The following NR6A1 variants were observed in gnomAD, a reference collection of about 807,000 sequenced individuals.
NR6A1 encodes retinoic acid receptor-related testis-associated receptor.
A neutral mutation model predicts 59.1 loss-of-function variants in NR6A1; 7 were observed. The observed-to-expected ratio is 0.12, with a 90% CI of 0.07 to 0.22. NR6A1 has a LOEUF of 0.22. NR6A1 is among the 10% of genes least tolerant of loss of function. NR6A1 has a pLI of 1.00. For missense variants in NR6A1, 468 were observed against 611.6 expected (o/e 0.77, Z 2.48); for synonymous variants, 243 against 236.1 (o/e 1.03, Z -0.27).
intron 7 of NR6A1, among the ~76,000 whole-genome samples, chr9:124,534,199 A>G (rs942408672): frequency 2.6e-5 from 4 of 151,822 alleles, no homozygotes; most frequent in African/African-American, 9.7e-5. Context: ...CAGCCTCCCA[A>G]GTACCTGGGA....
chr9:124,592,166 G>T (rs900932240), intron 2 of NR6A1, among the ~76,000 whole-genome samples: 3 of 152,152 alleles, frequency 2.0e-5, no homozygotes, highest in Non-Finnish European at 4.4e-5. Context: ...CGATGTTTGT[G>T]TGTGAAAATG....
At chr9:124,571,295 T>G (rs1447053568) in intron 2 of NR6A1, among the ~76,000 whole-genome samples, 2 of 152,172 alleles carry the variant, frequency 1.3e-5, no homozygotes, top group Non-Finnish European at 1.5e-5. Flanking sequence ...AGAGCCACAA[T>G]GAACACAAAC....
At chr9:124,717,481 C>T (rs2131086454) in intron 2 of NR6A1, among the ~76,000 whole-genome samples, 1 of 152,198 alleles carries the variant, frequency 6.6e-6, no homozygotes, top group South Asian at 2.1e-4. Context: ...TATTGTATGA[C>T]CATATATACA....
intron 2 of NR6A1, among the ~76,000 whole-genome samples, chr9:124,690,806 A>T (rs901504002): frequency 6.6e-6 from 1 of 152,162 alleles, no homozygotes; most frequent in African/African-American, 2.4e-5. Flanking sequence ...TGTGTGCTCA[A>T]ACTTGCTTGA....
intron 2 of NR6A1, among the ~76,000 whole-genome samples, chr9:124,683,675 C>A (rs988464748): frequency 3.9e-5 from 6 of 152,170 alleles, no homozygotes; most frequent in African/African-American, 7.2e-5. Context: ...CACCTGTAAT[C>A]CCAACTACTC....
chr9:124,715,838 G>A (rs2131082723), intron 2 of NR6A1, among the ~76,000 whole-genome samples: 1 of 152,176 alleles, frequency 6.6e-6, no homozygotes, highest in Non-Finnish European at 1.5e-5. Flanking sequence ...CTATGGTATT[G>A]GTAAAAAGAT....
intron 2 of NR6A1, among the ~76,000 whole-genome samples, chr9:124,644,571 CTTTTAATATGTGCCACATA>C (rs1836877578): frequency 6.6e-6 from 1 of 152,042 alleles, no homozygotes; most frequent in African/African-American, 2.4e-5. Flanking sequence ...ACTTTCTAAG[CTTTTAATATGTGCCACATA>C]TTTTAGAGAC....
Position 124,518,618 on chromosome 9 carries a change from G to C in NR6A1, c.*4087C>G, listed in dbSNP as rs1259285675. On this transcript the variant is annotated 3_prime_UTR_variant, in exon 10 of 10. Coordinates refer to ENST00000487099, the MANE Select transcript of NR6A1 (RefSeq NM_033334.4). ...CATTTCACAGATACTGGACATAGAT[G>C]CTTCAAGCCAAGGAGAAAGGGAGGA... The C allele has an allele frequency of 2.6e-5, 4 of 152,106 alleles. No individual in the cohort carries two copies. The highest frequency in any genetic ancestry group is 2.0e-4 in the Admixed American group (3 of 15,266). The allele number at this position is 152,106 out of a possible 1,614,324, so 9.4% of individuals were successfully genotyped here.
chr9:124,600,647 T>TCCA (rs1037701959), intron 2 of NR6A1, among the ~76,000 whole-genome samples: 9 of 152,078 alleles, frequency 5.9e-5, no homozygotes, highest in Admixed American at 1.3e-4. Flanking sequence ...TTCTCACCAC[T>TCCA]CCATACTAAC....
Position 124,771,217 on chromosome 9 carries a change from G to A in NR6A1, c.-98C>T, listed in dbSNP as rs974595351. The A allele has an allele frequency of 4.8e-6, 3 of 623,424 alleles. No homozygotes were observed. The highest frequency in any genetic ancestry group is 1.9e-5 in the African/African-American group (1 of 52,884). The allele number at this position is 623,424 out of a possible 1,614,324, so 38.6% of individuals were successfully genotyped here. A position where few individuals can be genotyped will look rare whatever the true frequency, so the allele number is the denominator to read the frequency against. On this transcript the variant is annotated 5_prime_UTR_variant, in exon 1 of 10. Coordinates refer to ENST00000487099, the MANE Select transcript of NR6A1 (RefSeq NM_033334.4). ...TCCGCCGAGGGGAGGAGGTTGTCAG[G>A]AGCCCGCGAGCTCCCGGCCGCGGCT...
At chr9:124,588,183 T>C (rs533845995) in intron 2 of NR6A1, among the ~76,000 whole-genome samples, 2 of 152,330 alleles carry the variant, frequency 1.3e-5, no homozygotes, top group Admixed American at 6.5e-5. Flanking sequence ...CTATGATAGA[T>C]GGTTTTTCTC....
At chr9:124,541,889 A>T (rs1254856543) in intron 4 of NR6A1, among the ~76,000 whole-genome samples, 2 of 152,244 alleles carry the variant, frequency 1.3e-5, no homozygotes, top group African/African-American at 4.8e-5. Context: ...AACCATGATG[A>T]CATTACACCA....
At chr9:124,525,469 C>T (rs1045510453) in intron 8 of NR6A1, among the ~76,000 whole-genome samples, 24 of 152,174 alleles carry the variant, frequency 1.6e-4, no homozygotes, top group African/African-American at 5.8e-4. Flanking sequence ...ATTCTCCCAC[C>T]TCAGCCTCCT....
chr9:124,592,911 A>G (rs748886211), intron 2 of NR6A1, among the ~76,000 whole-genome samples: 1 of 152,230 alleles, frequency 6.6e-6, no homozygotes, highest in African/African-American at 2.4e-5. Context: ...ATTTGCATCA[A>G]GAAAGTACCT....
intron 1 of NR6A1, among the ~76,000 whole-genome samples, chr9:124,753,053 A>T (rs1426622945): frequency 6.6e-6 from 1 of 152,172 alleles, no homozygotes; most frequent in Non-Finnish European, 1.5e-5. Context: ...TCATTTGTAA[A>T]ATGTACACAC....
At chr9:124,592,547 G>A (rs1835159216) in intron 2 of NR6A1, among the ~76,000 whole-genome samples, 1 of 152,104 alleles carries the variant, frequency 6.6e-6, no homozygotes, top group African/African-American at 2.4e-5. Context: ...ATTAGAGATG[G>A]GTTAAAAATA....
At chr9:124,529,834 T>G (rs987036693) in intron 7 of NR6A1, among the ~76,000 whole-genome samples, 4 of 151,988 alleles carry the variant, frequency 2.6e-5, no homozygotes, top group Non-Finnish European at 4.4e-5. Context: ...ATCATAGCAC[T>G]GTGTTGGATA....
At chr9:124,622,799 A>G (rs1009428722) in intron 2 of NR6A1, among the ~76,000 whole-genome samples, 15 of 152,130 alleles carry the variant, frequency 9.9e-5, no homozygotes, top group African/African-American at 3.1e-4. Context: ...TCTGGCTTCA[A>G]TGGGGGTGGA....
intron 2 of NR6A1, among the ~76,000 whole-genome samples, chr9:124,670,936 T>C (rs1217781789): frequency 1.3e-5 from 2 of 152,182 alleles, no homozygotes; most frequent in East Asian, 1.9e-4. Flanking sequence ...ACCACAGTGG[T>C]GGCAGTAGAG....
Sources: allele counts gnomAD v4.1 joint callset (sites outside exome capture counted in the v4.1 genomes callset), GRCh38; gene constraint gnomAD v4.1.1; transcripts MANE v1.5; gene names NCBI Gene and HGNC (gene_info 2026-07-23, HGNC 2026-07-21).